Variants in ALDH8A1 observed in about 807,000 individuals in gnomAD.
The protein encoded by ALDH8A1 is aldehyde dehydrogenase 8 family member A1, also known as 2-aminomuconic semialdehyde dehydrogenase.
ALDH8A1 carries 39 observed loss-of-function variants against 43.3 expected under a neutral mutation model. The observed-to-expected ratio is 0.90, with a 90% confidence interval of 0.70 to 1.18. The LOEUF (loss-of-function observed/expected upper bound fraction) is 1.18. Ranked by LOEUF, ALDH8A1 falls within the 50% of genes most tolerant of loss-of-function variation. ALDH8A1 has a pLI of 0.00. For missense variants in ALDH8A1, 605 were observed against 622.6 expected, an observed-to-expected ratio of 0.97 and a Z score of 0.30; for synonymous variants, 233 against 243.5, an observed-to-expected ratio of 0.96 and a Z score of 0.40.
chr6:134,938,167 C>T (rs1275733814), intron 4 of ALDH8A1, among the ~76,000 whole-genome samples: 1 of 152,208 alleles, frequency 6.6e-6, no homozygotes, highest in Non-Finnish European at 1.5e-5. Context: ...TGAAAGGCAG[C>T]AAGGAGACCA....
chr6:134,935,351 T>G lies in ALDH8A1; in HGVS notation c.593-2319A>C, dbSNP rs79839966. Among the ~76,000 whole-genome samples the G allele has an allele frequency of 8.4e-3, 1,283 of 152,294 alleles. 18 individuals carry two copies. Among genetic ancestry groups the G allele is most frequent in the African/African-American group, 0.029 (1,207 of 41,562 alleles). The stretch of plus-strand genomic sequence containing the variant: ...TACACTTAGTTCACCAGGAAGAAAT[T>G]TGAGGGAAAGTGAGATTGAATAACA... On this transcript the variant is annotated intron_variant, in intron 4 of 6. Transcript: ENST00000265605.
In ALDH8A1 at chr6:134,949,985, T is replaced by A; in HGVS notation, c.69A>T (p.Ser23=). 6.2e-7 allele frequency: 1 copy of A among 1,613,326 alleles called. No homozygotes were observed. The highest frequency in any genetic ancestry group is 8.5e-7 in the Non-Finnish European group (1 of 1,179,630). Residue 23 remains serine (S), a synonymous_variant, in exon 1 of 7, where the codon TCA becomes TCT. Transcript: ENST00000265605. ...FIDGKFLPCS[S]YIDSYDPSTG... ...TTGATGGGTCGTAAGAATCTATATA[T>A]GAGCTACAAGGTAAAAATTTTCCAT...
At chr6:134,929,251 A>G in intron 5 of ALDH8A1, 36 bp from the exon 6 acceptor site, 1 of 1,603,894 alleles carries the variant, frequency 6.2e-7, no homozygotes, top group Non-Finnish European at 8.5e-7. Flanking sequence ...GGCTGCGGAC[A>G]CTCTCCTTCA....
At chr6:134,946,130 G>A (rs1325566453) in intron 1 of ALDH8A1, among the ~76,000 whole-genome samples, 1 of 152,188 alleles carries the variant, frequency 6.6e-6, no homozygotes, top group Non-Finnish European at 1.5e-5. Flanking sequence ...TATCTTTATA[G>A]CAGTGTTAGA....
At chr6:134,927,306 G>GAAA (rs1429051219) in intron 6 of ALDH8A1, among the ~76,000 whole-genome samples, 5 of 151,186 alleles carry the variant, frequency 3.3e-5, no homozygotes, top group African/African-American at 9.8e-5. Context: ...TGTTAAAAAA[G>GAAA]AAAGAAGAAG....
chr6:134,938,048 T>C (rs1220278584), intron 4 of ALDH8A1, among the ~76,000 whole-genome samples: 2 of 152,146 alleles, frequency 1.3e-5, no homozygotes, highest in African/African-American at 4.8e-5. Context: ...AGTTAATGTG[T>C]ATGTCTGTGC....
At chr6:134,948,284 T>C (rs1342123603) in intron 1 of ALDH8A1, among the ~76,000 whole-genome samples, 2 of 152,124 alleles carry the variant, frequency 1.3e-5, no homozygotes, top group African/African-American at 2.4e-5. Flanking sequence ...GGCTAATTAA[T>C]ACAAAAATAT....
rs1296838634 is a variant in ALDH8A1, at chr6:134,918,259, G to T, written c.*156C>A. The T allele has an allele frequency of 5.9e-6, 4 of 680,260 alleles. No individual in the cohort carries two copies. In the Admixed American group the frequency reaches 1.2e-4, roughly 20 times the overall value. 42.1% of individuals were successfully genotyped at this position (680,260 alleles called of 1,614,324 possible). ...GAAAATAGACAGTATCTCTTCACTA[G>T]TGGGTAAAGTTACTAAGAACTGAGG... is the stretch of plus-strand genomic sequence containing the variant. On this transcript the variant is annotated 3_prime_UTR_variant, in exon 7 of 7. Transcript: ENST00000265605.
At chr6:134,935,914 A>G (rs990319168) in intron 4 of ALDH8A1, among the ~76,000 whole-genome samples, 2 of 151,250 alleles carry the variant, frequency 1.3e-5, no homozygotes, top group Non-Finnish European at 2.9e-5. Flanking sequence ...AGGTGGGAAG[A>G]TTCCACAAGT....
chr6:134,944,011 T>A, intron 1 of ALDH8A1, 45 bp from the exon 2 acceptor site: 1 of 1,576,916 alleles, frequency 6.3e-7, no homozygotes, highest in Non-Finnish European at 8.6e-7. Flanking sequence ...AAGCTGTTAG[T>A]CCTTGGGGGA....
rs1023852654 is a variant in ALDH8A1 at position 134,917,517 on chromosome 6, T to C, written c.*898A>G. The C allele has an allele frequency of 2.6e-5, 4 of 152,222 alleles. No homozygotes were observed. The highest frequency in any genetic ancestry group is 4.4e-5 in the Non-Finnish European group (3 of 68,038). 9.4% of individuals were successfully genotyped at this position (152,222 alleles called of 1,614,324 possible). A position where few individuals can be genotyped will look rare whatever the true frequency, so the allele number is the denominator to read the frequency against. On this transcript the variant is annotated 3_prime_UTR_variant, in exon 7 of 7. Transcript: ENST00000265605. ...GACCGTAGGAATGGATCAAACTATG[T>C]ACTCTTCTTGTTCCAAGTTTCCTCC...
At chr6:134,937,491 T>A (rs1185943970) in intron 4 of ALDH8A1, among the ~76,000 whole-genome samples, 1 of 152,172 alleles carries the variant, frequency 6.6e-6, no homozygotes, top group Admixed American at 6.5e-5. Context: ...TTAATGGGCT[T>A]ACTAGTTCCC....
At chr6:134,930,336 T>A (rs928251873) in intron 5 of ALDH8A1, among the ~76,000 whole-genome samples, 17 of 152,058 alleles carry the variant, frequency 1.1e-4, no homozygotes, top group Non-Finnish European at 2.9e-5. Flanking sequence ...AGATACTGAG[T>A]GTACAGGGGA....
intron 1 of ALDH8A1, chr6:134,944,234 A>G: frequency 3.1e-6 from 1 of 321,300 alleles, no homozygotes; most frequent in Non-Finnish European, 5.7e-6. Context: ...TGCCCAGCTA[A>G]TTTTTGTATT....
chr6:134,922,686 T>C (rs116171779), intron 6 of ALDH8A1, among the ~76,000 whole-genome samples: 1 of 152,104 alleles, frequency 6.6e-6, no homozygotes, highest in East Asian at 1.9e-4. Context: ...CTGCACCTGA[T>C]CTAACAGTGA....
At chr6:134,926,322 C>A (rs1037352692) in intron 6 of ALDH8A1, among the ~76,000 whole-genome samples, 4 of 151,436 alleles carry the variant, frequency 2.6e-5, no homozygotes, top group African/African-American at 9.7e-5. Context: ...GCCTCTGCCT[C>A]CCAAGTAGCT....
chr6:134,946,625 G>A (rs544898471), intron 1 of ALDH8A1, among the ~76,000 whole-genome samples: 9 of 152,340 alleles, frequency 5.9e-5, no homozygotes, highest in African/African-American at 1.9e-4. Context: ...TTTTATAGAT[G>A]AGGAGACTGA....
intron 2 of ALDH8A1, among the ~76,000 whole-genome samples, chr6:134,943,222 G>T (rs1773889946): frequency 6.6e-6 from 1 of 152,168 alleles, no homozygotes; most frequent in African/African-American, 2.4e-5. Flanking sequence ...TTGGACTCAG[G>T]CTGCTTTCTG....
intron 1 of ALDH8A1, among the ~76,000 whole-genome samples, chr6:134,949,526 A>C (rs1774007306): frequency 6.6e-6 from 1 of 152,106 alleles, no homozygotes. Flanking sequence ...GTAAAGCTAT[A>C]CTTTTTTTTT....
Sources: allele counts gnomAD v4.1 joint callset (sites outside exome capture counted in the v4.1 genomes callset), GRCh38; gene constraint gnomAD v4.1.1; transcripts MANE v1.5; gene names NCBI Gene and HGNC (gene_info 2026-07-23, HGNC 2026-07-21).